The following COL22A1 variants were observed in gnomAD, a reference collection of about 807,000 sequenced individuals.
COL22A1 encodes collagen type XXII alpha 1 chain.
Under a neutral mutation model 248.9 loss-of-function variants are expected in COL22A1, and 221 were observed. That is an observed-to-expected ratio of 0.89 (90% CI 0.80 to 0.99). The LOEUF (loss-of-function observed/expected upper bound fraction) is 0.99, where lower values mean the gene tolerates loss of function less well. Ranked by LOEUF, COL22A1 falls within the 50% of genes least tolerant of loss-of-function variation. COL22A1 has a pLI of 0.00. For synonymous variants in COL22A1, 891 were observed against 793.4 expected (o/e 1.12, Z -2.07); for missense variants, 2,240 against 2,179.0 (o/e 1.03, Z -0.56).
intron 23 of COL22A1, among the ~76,000 whole-genome samples, chr8:138,736,289 T>TG (rs1197428871): frequency 3.3e-5 from 5 of 151,404 alleles, no homozygotes; most frequent in East Asian, 3.9e-4. Flanking sequence ...CTTTGGTGGG[T>TG]GGGGGGCTCA....
At chr8:138,831,398 C>T (rs1820037054) in intron 5 of COL22A1, among the ~76,000 whole-genome samples, 1 of 152,142 alleles carries the variant, frequency 6.6e-6, no homozygotes, top group Non-Finnish European at 1.5e-5. Flanking sequence ...AGACTCAGTT[C>T]CTTTCTAGGA....
At chr8:138,701,422 T>G (rs1827959162) in intron 31 of COL22A1, among the ~76,000 whole-genome samples, 1 of 152,092 alleles carries the variant, frequency 6.6e-6, no homozygotes, top group Non-Finnish European at 1.5e-5. Context: ...CACAATACAT[T>G]AAAAAAAGAT....
At chr8:138,728,284 C>G (rs755988001) in intron 23 of COL22A1, among the ~76,000 whole-genome samples, 1 of 152,110 alleles carries the variant, frequency 6.6e-6, no homozygotes, top group Non-Finnish European at 1.5e-5. Context: ...CTGCCTCAGC[C>G]TCCCAAAGCA....
chr8:138,866,768 C>T (rs1172175438), intron 3 of COL22A1, among the ~76,000 whole-genome samples: 1 of 152,110 alleles, frequency 6.6e-6, no homozygotes, highest in African/African-American at 2.4e-5. Flanking sequence ...TGTCCAAAAC[C>T]TAGGAGGGTG....
chr8:138,612,910 T>A (rs1317273367), intron 56 of COL22A1, among the ~76,000 whole-genome samples: 1 of 112,816 alleles, frequency 8.9e-6, no homozygotes, highest in African/African-American at 3.5e-5. Flanking sequence ...CACTCCAGCC[T>A]GGGTGACACA....
At chr8:138,860,932 C>A (rs1298317106) in intron 3 of COL22A1, among the ~76,000 whole-genome samples, 1 of 152,188 alleles carries the variant, frequency 6.6e-6, no homozygotes, top group African/African-American at 2.4e-5. Flanking sequence ...TCCGTATGTT[C>A]TTTCTCCAGA....
intron 56 of COL22A1, among the ~76,000 whole-genome samples, chr8:138,611,807 T>C (rs1413705317): frequency 6.6e-6 from 1 of 152,130 alleles, no homozygotes; most frequent in African/African-American, 2.4e-5. Flanking sequence ...ACATCCAACC[T>C]CATAGGACCT....
At chr8:138,604,661 G>T in intron 59 of COL22A1, 73 bp downstream of exon 59, 1 of 1,340,186 alleles carries the variant, frequency 7.5e-7, no homozygotes, top group South Asian at 1.2e-5. Flanking sequence ...TCTAAGCCCA[G>T]GGCCTGAGCC....
chr8:138,822,029 C>T (rs912377147), intron 6 of COL22A1, among the ~76,000 whole-genome samples: 6 of 114,852 alleles, frequency 5.2e-5, no homozygotes, highest in African/African-American at 8.0e-5. Context: ...GTTTTACTTC[C>T]GATTTTTTGT....
At chr8:138,831,077 T>G (rs997012048) in intron 5 of COL22A1, among the ~76,000 whole-genome samples, 5 of 152,212 alleles carry the variant, frequency 3.3e-5, no homozygotes, top group African/African-American at 9.7e-5. Context: ...TCTCATTTCT[T>G]CTTCTGTAGA....
intron 1 of COL22A1, among the ~76,000 whole-genome samples, chr8:138,894,387 G>T (rs1200563417): frequency 6.6e-6 from 1 of 152,222 alleles, no homozygotes; most frequent in Non-Finnish European, 1.5e-5. Context: ...AAGTGGTCCA[G>T]CTGCAGATTC....
chr8:138,861,546 A>C (rs994703771), intron 3 of COL22A1, among the ~76,000 whole-genome samples: 1 of 152,160 alleles, frequency 6.6e-6, no homozygotes, highest in Non-Finnish European at 1.5e-5. Flanking sequence ...AGCTGCTGCC[A>C]TCTCTGTAAC....
rs552611930 is a variant in COL22A1 at position 138,869,116 on chromosome 8, G to C, written c.658+8634C>G. On this transcript the variant is annotated intron_variant, in intron 3 of 64. Coordinates refer to ENST00000303045, the MANE Select transcript of COL22A1 (RefSeq NM_152888.3). ...GGTTAACAGAGAGGAAGGAGACAGA[G>C]CTGGGAGGCCCAGCTGGGTGACCCA... Among the ~76,000 whole-genome samples, 7 of 152,304 alleles carry C rather than the reference G, an allele frequency of 4.6e-5. No individual in the cohort carries two copies. The South Asian group carries it at 1.0e-3, about 23-fold the overall frequency.
At chr8:138,612,535 A>G (rs1342786409) in intron 56 of COL22A1, among the ~76,000 whole-genome samples, 6 of 152,138 alleles carry the variant, frequency 3.9e-5, no homozygotes, top group African/African-American at 1.2e-4. Flanking sequence ...ATGTGACCGA[A>G]TTGGGAAATT....
intron 18 of COL22A1, among the ~76,000 whole-genome samples, chr8:138,759,653 G>A (rs1833286379): frequency 6.6e-6 from 1 of 152,148 alleles, no homozygotes; most frequent in South Asian, 2.1e-4. Flanking sequence ...TGCAAAGAAT[G>A]TCTACCTGCC....
chr8:138,889,661 T>C (rs1003948179), intron 1 of COL22A1, among the ~76,000 whole-genome samples: 2 of 152,136 alleles, frequency 1.3e-5, no homozygotes, highest in African/African-American at 4.8e-5. Context: ...CGTATACATA[T>C]GTAACTAACC....
At chr8:138,753,674 T>C (rs1832779431) in intron 21 of COL22A1, among the ~76,000 whole-genome samples, 1 of 152,240 alleles carries the variant, frequency 6.6e-6, no homozygotes, top group South Asian at 2.1e-4. Context: ...GTGCCTCATG[T>C]GTTATTTCAT....
At chr8:138,751,570 A>G (rs1286929588) in intron 21 of COL22A1, 59 bp from the exon 22 acceptor site, 49 of 1,223,846 alleles carry the variant, frequency 4.0e-5, no homozygotes, top group South Asian at 3.9e-5. Flanking sequence ...GCAGGGCTCA[A>G]TGGCATAGCT....
chr8:138,786,721 C>G (rs977188770), intron 12 of COL22A1, among the ~76,000 whole-genome samples: 2 of 152,108 alleles, frequency 1.3e-5, no homozygotes, highest in African/African-American at 4.8e-5. Flanking sequence ...TCGGCCAACA[C>G]AGTGAAACCC....
Sources: allele counts gnomAD v4.1 joint callset (sites outside exome capture counted in the v4.1 genomes callset), GRCh38; gene constraint gnomAD v4.1.1; transcripts MANE v1.5; gene names NCBI Gene and HGNC (gene_info 2026-07-23, HGNC 2026-07-21).